CPXM2: variants seen among roughly 807,000 people sequenced by gnomAD.
The protein encoded by CPXM2 is carboxypeptidase X, M14 family member 2.
In CPXM2, 66 loss-of-function variants were observed where a neutral mutation model predicts 86.1. The ratio of observed to expected loss-of-function variants is 0.77; its 90% CI spans 0.63 to 0.94. The LOEUF (loss-of-function observed/expected upper bound fraction) is 0.94. Ranked by LOEUF, CPXM2 falls within the 40% of genes least tolerant of loss-of-function variation. The probability of loss-of-function intolerance (pLI) is 0.00; values close to 1 mark genes in which losing one functional copy is unlikely to be tolerated. For missense variants in CPXM2, 948 were observed against 1,026.3 expected, an observed-to-expected ratio of 0.92 and a Z score of 1.04; for synonymous variants, 388 against 400.2, an observed-to-expected ratio of 0.97 and a Z score of 0.36.
At chr10:123,923,415 CT>C (rs747794227) in intron 2 of CPXM2, among the ~76,000 whole-genome samples, 9 of 58,038 alleles carry the variant, frequency 1.6e-4, no homozygotes, top group African/African-American at 5.0e-4. Context: ...CCCGTCTCTA[CT>C]AAAAATACAA....
At chr10:123,939,995 A>G (rs1945759312) in intron 1 of CPXM2, among the ~76,000 whole-genome samples, 1 of 152,210 alleles carries the variant, frequency 6.6e-6, no homozygotes, top group Non-Finnish European at 1.5e-5. Context: ...TAGAGCAAGG[A>G]GACTTAGAAG....
intron 2 of CPXM2, among the ~76,000 whole-genome samples, chr10:123,871,897 C>T (rs1457579331): frequency 6.6e-6 from 1 of 152,006 alleles, no homozygotes; most frequent in Non-Finnish European, 1.5e-5. Flanking sequence ...ATAAGAAAAA[C>T]AACAAGCAAA....
chr10:123,819,294 C>A (rs1056197187), intron 4 of CPXM2, among the ~76,000 whole-genome samples: 2 of 152,136 alleles, frequency 1.3e-5, no homozygotes, highest in African/African-American at 4.8e-5. Context: ...GCTACAACAG[C>A]CCAATCCAGG....
At chr10:123,812,074 A>G (rs1847706180) in intron 4 of CPXM2, among the ~76,000 whole-genome samples, 1 of 152,176 alleles carries the variant, frequency 6.6e-6, no homozygotes, top group African/African-American at 2.4e-5. Flanking sequence ...TGTATATATC[A>G]TGGGGACTGC....
intron 2 of CPXM2, among the ~76,000 whole-genome samples, chr10:123,867,932 G>T (rs1346393687): frequency 2.0e-5 from 3 of 152,188 alleles, no homozygotes; most frequent in African/African-American, 7.2e-5. Flanking sequence ...CAATACTACA[G>T]TGGGGAGAAA....
intron 4 of CPXM2, among the ~76,000 whole-genome samples, chr10:123,814,802 T>C (rs1847779369): frequency 6.6e-6 from 1 of 152,162 alleles, no homozygotes; most frequent in African/African-American, 2.4e-5. Flanking sequence ...GGTGGACAGA[T>C]CACCTGAGGT....
intron 11 of CPXM2, among the ~76,000 whole-genome samples, chr10:123,758,331 G>C (rs1173488159): frequency 6.6e-6 from 1 of 151,738 alleles, no homozygotes; most frequent in East Asian, 2.1e-4. Flanking sequence ...GCCTCCTCTA[G>C]GGGAGGAGCC....
chr10:123,792,743 T>A (rs575957466), intron 6 of CPXM2, among the ~76,000 whole-genome samples: 1 of 152,266 alleles, frequency 6.6e-6, no homozygotes, highest in South Asian at 2.1e-4. Flanking sequence ...CCCTTTGTTA[T>A]CCCCAGACCT....
At chr10:123,941,868 T>C (rs561146256), upstream of CPXM2, among the ~76,000 whole-genome samples, 1 of 152,308 alleles carries the variant, frequency 6.6e-6, no homozygotes, top group African/African-American at 2.4e-5. Context: ...GATGAAGCAG[T>C]GGAAACAGGC....
rs113873828 is a variant in CPXM2, at chr10:123,848,167, A to G, written c.514-5679T>C. 1.4e-3 allele frequency among the ~76,000 whole-genome samples: 220 copies of G among 152,322 alleles called. 1 individual carries two copies. The highest frequency in any genetic ancestry group is 5.0e-3 in the African/African-American group (206 of 41,576). On this transcript the variant is annotated intron_variant, in intron 3 of 13. Transcript: ENST00000241305. ...AGGGGGAGGTTATCTAAAAAACGTT[A>G]GCTGTGACATTTGATTAGTAAAGTA...
intron 4 of CPXM2, among the ~76,000 whole-genome samples, chr10:123,805,865 A>T (rs1847568122): frequency 6.6e-6 from 1 of 152,232 alleles, no homozygotes; most frequent in African/African-American, 2.4e-5. Flanking sequence ...ATCCTTGATT[A>T]CTACAATCTA....
chr10:123,908,588 G>A (rs779565903), intron 2 of CPXM2, among the ~76,000 whole-genome samples: 2 of 152,094 alleles, frequency 1.3e-5, no homozygotes, highest in Non-Finnish European at 2.9e-5. Flanking sequence ...TGGAGGGCTC[G>A]GGGCAAGGAG....
intron 7 of CPXM2, 68 bp downstream of exon 7, chr10:123,780,099 T>C (rs1321829525): frequency 7.9e-6 from 8 of 1,008,304 alleles, no homozygotes; most frequent in South Asian, 5.1e-5. Flanking sequence ...ATTTAAGTGC[T>C]TATGGACACA....
chr10:123,825,889 A>G (rs939738139), intron 4 of CPXM2, among the ~76,000 whole-genome samples: 2 of 152,124 alleles, frequency 1.3e-5, no homozygotes, highest in South Asian at 2.1e-4. Flanking sequence ...AAAGACTGGT[A>G]TATTACCACA....
At chr10:123,750,483 TC>T in intron 13 of CPXM2, 1 of 985,366 alleles carries the variant, frequency 1.0e-6, no homozygotes, top group Non-Finnish European at 1.2e-6. Flanking sequence ...CCTGTGTATG[TC>T]CCCTTAGGGA....
In CPXM2 at chr10:123,797,973, C is replaced by T; in HGVS notation, c.889+3G>A. Reference sequence around the variant, plus strand: ...TGCAGGAAGCACAGGAGGGTGAACTCACCTGGCAGTGGGCAGCCCAGGATC... The same window carrying T: ...TGCAGGAAGCACAGGAGGGTGAACTTACCTGGCAGTGGGCAGCCCAGGATC... On this transcript the variant is annotated splice_donor_region_variant and intron_variant, in intron 6 of 13. Transcript: ENST00000241305. 6.3e-7 allele frequency: 1 copy of T among 1,596,682 alleles called. No homozygotes were observed. The highest frequency in any genetic ancestry group is 8.5e-7 in the Non-Finnish European group (1 of 1,171,766).
chr10:123,757,796 G>T (rs752924699), intron 11 of CPXM2, among the ~76,000 whole-genome samples: 1 of 152,062 alleles, frequency 6.6e-6, no homozygotes, highest in Non-Finnish European at 1.5e-5. Context: ...CAAAAACTGC[G>T]ATCCTTAACC....
chr10:123,911,045 T>G (rs746667078), intron 2 of CPXM2, among the ~76,000 whole-genome samples: 36 of 152,334 alleles, frequency 2.4e-4, no homozygotes, highest in Non-Finnish European at 4.1e-4. Flanking sequence ...GCAGTCATCC[T>G]GGATTAAAGC....
rs1848738874 is a variant in CPXM2, at chr10:123,856,950, T to C, written c.513+5664A>G. On this transcript the variant is annotated intron_variant, in intron 3 of 13. Transcript: ENST00000241305. Reference sequence around the variant, plus strand: ...TTCTCTTGGAGACTCAGAATGTTAATTTCCAATCTGTCCGTAGTTGCTCCC... The same window carrying C: ...TTCTCTTGGAGACTCAGAATGTTAACTTCCAATCTGTCCGTAGTTGCTCCC... Among the ~76,000 whole-genome samples, 3 of 152,208 alleles carry C rather than the reference T, an allele frequency of 2.0e-5. No individual in the cohort carries two copies. In the South Asian group the frequency reaches 6.2e-4, roughly 31 times the overall value.
Sources: allele counts gnomAD v4.1 joint callset (sites outside exome capture counted in the v4.1 genomes callset), GRCh38; gene constraint gnomAD v4.1.1; transcripts MANE v1.5; gene names NCBI Gene and HGNC (gene_info 2026-07-23, HGNC 2026-07-21).